The following MID1 variants were observed in gnomAD, a reference collection of about 807,000 sequenced individuals.
The protein encoded by MID1 is E3 ubiquitin-protein ligase Midline-1.
A neutral mutation model predicts 40.4 loss-of-function variants in MID1; 7 were observed. That is an observed-to-expected ratio of 0.17 (90% confidence interval 0.10 to 0.33). The LOEUF is 0.33. Ranked by LOEUF, MID1 falls within the 10% of genes least tolerant of loss-of-function variation. The pLI, the probability that MID1 is intolerant of heterozygous loss-of-function variation, is 1.00. For missense variants in MID1, 367 were observed against 558.5 expected (o/e 0.66, Z 3.46); for synonymous variants, 229 against 221.2 (o/e 1.04, Z -0.31).
intron 1 of MID1, among the ~76,000 whole-genome samples, chrX:10,657,390 A>G (rs1426493064): frequency 8.9e-6 from 1 of 112,051 alleles, no homozygotes; most frequent in Non-Finnish European, 1.9e-5. Context: ...TCTATAGGAC[A>G]GGAGCTGGAT....
In MID1 at chrX:10,567,441, C is replaced by T. The variant is rs1270080835; in HGVS notation, c.107G>A (p.Arg36His). The T allele has an allele frequency of 7.4e-6, 9 of 1,209,013 alleles. No individual in the cohort carries two copies. The highest frequency in any genetic ancestry group is 6.6e-5 in the Admixed American group (3 of 45,731). ...GGTGGCACAGTGTGATACTAGGATG[C>T]GGTGGGCGCAGTTGAAGCAGAGGCT... is the stretch of plus-strand genomic sequence containing the variant. ...AHSLCFNCAH[R>H]ILVSHCATNE... The change falls in exon 2 of 10, where the codon CGC becomes CAC. Residue 36 changes from arginine (R) to histidine (H), a missense_variant. Physicochemically the swap from Arg to His is conservative, Grantham distance 29 (BLOSUM62 0). Transcript: ENST00000317552.
intron 1 of MID1, among the ~76,000 whole-genome samples, chrX:10,593,512 T>C (rs773467222): frequency 9.0e-6 from 1 of 111,333 alleles, no homozygotes; most frequent in Non-Finnish European, 1.9e-5. Flanking sequence ...AATCAAATTA[T>C]TGCCCAACAA....
In MID1 at chrX:10,474,533, C is replaced by T. The variant is rs1929890129; in HGVS notation, c.1141+90G>A. ...GCCATTCCTAGGTCAAAAGCCCATTCCTCTGGTTATTGGGGAATAACTGAT... is the reference window on the plus strand; with the variant it reads ...GCCATTCCTAGGTCAAAAGCCCATTTCTCTGGTTATTGGGGAATAACTGAT... On this transcript the variant is annotated intron_variant, in intron 6 of 9. Transcript: ENST00000317552. 3 of 965,787 alleles carry T rather than the reference C, an allele frequency of 3.1e-6. No homozygotes were observed. The Admixed American group carries it at 6.7e-5, about 22-fold the overall frequency. The allele number at this position is 965,787 out of a possible 1,213,427, so 79.6% of individuals were successfully genotyped here.
chrX:10,651,613 C>T (rs1936317020), intron 1 of MID1, among the ~76,000 whole-genome samples: 2 of 111,942 alleles, frequency 1.8e-5, no homozygotes, highest in South Asian at 3.8e-4. Flanking sequence ...TCAGTTTTCA[C>T]ATCCCCTCAT....
rs137932196 is a variant in MID1, at chrX:10,825,350, C to T, written c.-187+8204G>A. Among the ~76,000 whole-genome samples, 443 of 112,001 alleles carry T rather than the reference C, an allele frequency of 4.0e-3. 3 individuals carry two copies. The highest frequency in any genetic ancestry group is 0.014 in the African/African-American group (421 of 30,840). On this transcript the variant is annotated intron_variant, in intron 1 of 10. Transcript: ENST00000380785. ...ACCCTATGGCTGCAGCTTTCACTGC[C>T]TAATGACTCCCCTTAATGGGAGAAT...
chrX:10,451,968 C>A (rs931539625), intron 9 of MID1, among the ~76,000 whole-genome samples: 1 of 112,009 alleles, frequency 8.9e-6, no homozygotes, highest in African/African-American at 3.2e-5. Flanking sequence ...CTCCCACCCC[C>A]CAAAAATGTT....
intron 1 of MID1, among the ~76,000 whole-genome samples, chrX:10,730,564 CTTTT>C (rs1188069622): frequency 1.3e-5 from 1 of 78,140 alleles, no homozygotes; most frequent in East Asian, 3.7e-4. Context: ...TCAGATACAT[CTTTT>C]TTTTTTTTTT....
At chrX:10,625,606 T>C (rs1039532481) in intron 1 of MID1, among the ~76,000 whole-genome samples, 3 of 112,547 alleles carry the variant, frequency 2.7e-5, no homozygotes, top group Non-Finnish European at 5.6e-5. Flanking sequence ...CGATTTATTA[T>C]GTACTTATCA....
At chrX:10,784,596 C>T (rs757380686) in intron 1 of MID1, among the ~76,000 whole-genome samples, 1 of 108,717 alleles carries the variant, frequency 9.2e-6, no homozygotes, top group Admixed American at 9.9e-5. Context: ...CAGGCGCATG[C>T]CACCACGCCC....
At chrX:10,702,277 T>C (rs1380895259) in intron 1 of MID1, among the ~76,000 whole-genome samples, 1 of 112,069 alleles carries the variant, frequency 8.9e-6, no homozygotes, top group Non-Finnish European at 1.9e-5. Flanking sequence ...CAACTCTCTT[T>C]GGGCAGCTCA....
intron 3 of MID1, among the ~76,000 whole-genome samples, chrX:10,522,280 G>A (rs980512001): frequency 3.4e-4 from 38 of 111,941 alleles, no homozygotes; most frequent in African/African-American, 1.1e-3. Flanking sequence ...GGTTTAGAGC[G>A]CTGTAGCTGA....
chrX:10,599,050 C>T (rs934924713), intron 1 of MID1, among the ~76,000 whole-genome samples: 12 of 112,051 alleles, frequency 1.1e-4, no homozygotes, highest in Non-Finnish European at 2.1e-4. Flanking sequence ...ACAATCAGTT[C>T]AAATACAGTA....
chrX:10,564,697 A>G (rs1190346399), intron 2 of MID1, among the ~76,000 whole-genome samples: 1 of 111,555 alleles, frequency 9.0e-6, no homozygotes, highest in Non-Finnish European at 1.9e-5. Flanking sequence ...ATTCTTCATA[A>G]ATTTGGAGAT....
At chrX:10,671,250 A>G (rs964853735) in intron 1 of MID1, among the ~76,000 whole-genome samples, 5 of 112,047 alleles carry the variant, frequency 4.5e-5, no homozygotes, top group Admixed American at 2.8e-4. Flanking sequence ...GCAAGGCAGT[A>G]GAGTGTAAGA....
intron 8 of MID1, among the ~76,000 whole-genome samples, chrX:10,457,698 C>A (rs1014432943): frequency 8.9e-6 from 1 of 112,312 alleles, no homozygotes; most frequent in Non-Finnish European, 1.9e-5. Context: ...CATTGGTATA[C>A]AAAGAAACTC....
At chrX:10,642,020 A>G (rs113067859) in intron 1 of MID1, among the ~76,000 whole-genome samples, 2 of 112,046 alleles carry the variant, frequency 1.8e-5, no homozygotes, top group African/African-American at 6.5e-5. Context: ...TGTATCTCAA[A>G]ATAGTAAGAG....
At chrX:10,646,610 G>A (rs755535748) in intron 1 of MID1, among the ~76,000 whole-genome samples, 1 of 111,582 alleles carries the variant, frequency 9.0e-6, no homozygotes, top group African/African-American at 3.3e-5. Flanking sequence ...TGTCTGAGAA[G>A]CACATTTTTG....
intron 1 of MID1, among the ~76,000 whole-genome samples, chrX:10,594,762 T>C (rs969185841): frequency 2.7e-5 from 3 of 112,151 alleles, no homozygotes; most frequent in Non-Finnish European, 5.6e-5. Flanking sequence ...TAGGTAACTG[T>C]TATACCCTAA....
intron 2 of MID1, among the ~76,000 whole-genome samples, chrX:10,547,675 AAAAAG>A (rs747177760): frequency 4.5e-5 from 5 of 110,581 alleles, no homozygotes; most frequent in Admixed American, 9.7e-5. Flanking sequence ...AAAGAAAAGA[AAAAAG>A]AAAAGAAAAG....
Sources: gnomAD v4.1 joint callset for allele counts (sites outside exome capture counted in the v4.1 genomes callset) on GRCh38, gnomAD v4.1.1 for gene constraint, MANE v1.5 for transcripts, NCBI Gene and HGNC (gene_info 2026-07-23, HGNC 2026-07-21) for gene names.